Variants in MPZL1 observed in about 807,000 individuals in gnomAD.
The protein encoded by MPZL1 is myelin protein zero like 1.
MPZL1 carries 16 observed loss-of-function variants against 29.3 expected under a neutral mutation model. That is an observed-to-expected ratio of 0.55 (90% confidence interval 0.37 to 0.83). The LOEUF (loss-of-function observed/expected upper bound fraction) is 0.83. Among genes scored for constraint, MPZL1 ranks in the 40% least tolerant of loss-of-function variants. The pLI, the probability that MPZL1 is intolerant of heterozygous loss-of-function variation, is 0.00. For synonymous variants in MPZL1, 143 were observed against 132.0 expected, an observed-to-expected ratio of 1.08 and a Z score of -0.57; for missense variants, 279 against 332.9, an observed-to-expected ratio of 0.84 and a Z score of 1.26.
At chr1:167,728,833 A>C (rs1334838194) in intron 1 of MPZL1, among the ~76,000 whole-genome samples, 2 of 152,200 alleles carry the variant, frequency 1.3e-5, no homozygotes, top group Non-Finnish European at 2.9e-5. Context: ...ATAGAATGAA[A>C]TCTATGACTT....
intron 5 of MPZL1, among the ~76,000 whole-genome samples, chr1:167,783,346 T>C (rs1237674890): frequency 6.6e-6 from 1 of 152,248 alleles, no homozygotes; most frequent in African/African-American, 2.4e-5. Flanking sequence ...AAATTTTTTT[T>C]CTTTGTGAAG....
rs1414502624 is a variant in MPZL1, at chr1:167,789,100, A to C, written c.*1179A>C. On this transcript the variant is annotated 3_prime_UTR_variant, in exon 6 of 6. Transcript: ENST00000359523. ...CTTTATAACAGCTTCATGGTGCCTC[A>C]AAGACTGTTGAGGTTAATGAGAGCC... 2 of 152,110 alleles carry C rather than the reference A, an allele frequency of 1.3e-5. No homozygotes were observed. Among genetic ancestry groups the C allele is most frequent in the Non-Finnish European group, 2.9e-5 (2 of 68,006 alleles). 9.4% of individuals were successfully genotyped at this position (152,110 alleles called of 1,614,324 possible).
intron 2 of MPZL1, among the ~76,000 whole-genome samples, chr1:167,770,176 ATGGATGAGTCTGCAC>A (rs2101787214): frequency 6.6e-6 from 1 of 152,298 alleles, no homozygotes; most frequent in East Asian, 1.9e-4. Flanking sequence ...AATCATAGGA[ATGGATGAGTCTGCAC>A]TGGGGTTTTC....
At chr1:167,735,509 C>T (rs1022211721) in intron 1 of MPZL1, among the ~76,000 whole-genome samples, 2 of 152,024 alleles carry the variant, frequency 1.3e-5, no homozygotes, top group Non-Finnish European at 2.9e-5. Context: ...TGTGTGTGTG[C>T]ACTCTCTTTT....
intron 1 of MPZL1, among the ~76,000 whole-genome samples, chr1:167,754,941 C>A (rs1228725451): frequency 6.6e-6 from 1 of 152,164 alleles, no homozygotes; most frequent in Non-Finnish European, 1.5e-5. Context: ...CCATCTGTCT[C>A]CTCCATGGCC....
At chr1:167,746,082 A>T (rs1422760833) in intron 1 of MPZL1, among the ~76,000 whole-genome samples, 1 of 152,072 alleles carries the variant, frequency 6.6e-6, no homozygotes, top group African/African-American at 2.4e-5. Context: ...ATTCATTTAT[A>T]CTTCAGAAAA....
Position 167,754,718 on chromosome 1 carries a change from C to G in MPZL1, c.92-10865C>G, listed in dbSNP as rs151220123. 2.6e-3 allele frequency among the ~76,000 whole-genome samples: 395 copies of G among 152,226 alleles called. 2 individuals are homozygous for G. Among genetic ancestry groups the G allele is most frequent in the African/African-American group, 9.1e-3 (379 of 41,534 alleles). The stretch of plus-strand genomic sequence containing the variant: ...TGTATAATAGCATCGTAAGTGAAGT[C>G]CCAACATCTCATTTGTATGCTGGGT... On this transcript the variant is annotated intron_variant, in intron 1 of 5. Coordinates refer to ENST00000359523, the MANE Select transcript of MPZL1 (RefSeq NM_003953.6).
intron 1 of MPZL1, among the ~76,000 whole-genome samples, chr1:167,734,891 T>G (rs1319995138): frequency 6.6e-6 from 1 of 152,206 alleles, no homozygotes; most frequent in African/African-American, 2.4e-5. Context: ...GTTCCCACAT[T>G]TCTCCATTCC....
At chr1:167,726,879 A>T (rs1331512571) in intron 1 of MPZL1, among the ~76,000 whole-genome samples, 1 of 152,244 alleles carries the variant, frequency 6.6e-6, no homozygotes, top group Non-Finnish European at 1.5e-5. Flanking sequence ...CCTACTGGGC[A>T]CAAGGCACTG....
chr1:167,724,102 C>T (rs1660095115), intron 1 of MPZL1, among the ~76,000 whole-genome samples: 1 of 152,082 alleles, frequency 6.6e-6, no homozygotes, highest in Non-Finnish European at 1.5e-5. Context: ...GTCAGAAGCA[C>T]ATTGGTAAAG....
At chr1:167,761,190 T>C (rs960772015) in intron 1 of MPZL1, among the ~76,000 whole-genome samples, 2 of 152,098 alleles carry the variant, frequency 1.3e-5, no homozygotes, top group Non-Finnish European at 2.9e-5. Context: ...TCTTTCAAGA[T>C]TGATAAAATA....
intron 1 of MPZL1, among the ~76,000 whole-genome samples, chr1:167,725,115 A>G (rs1430335997): frequency 6.6e-6 from 1 of 152,230 alleles, no homozygotes; most frequent in Admixed American, 6.5e-5. Flanking sequence ...TGTGCAGGCC[A>G]GAAACCTAGG....
chr1:167,753,845 G>T (rs1660810086), intron 1 of MPZL1, among the ~76,000 whole-genome samples: 1 of 152,016 alleles, frequency 6.6e-6, no homozygotes, highest in Non-Finnish European at 1.5e-5. Context: ...GGCCAGGTTG[G>T]TCTCGAACTC....
intron 1 of MPZL1, among the ~76,000 whole-genome samples, chr1:167,729,391 A>G (rs1417886330): frequency 6.6e-6 from 1 of 152,228 alleles, no homozygotes; most frequent in Non-Finnish European, 1.5e-5. Flanking sequence ...CTTCTTCCAG[A>G]TAACACTTGG....
intron 1 of MPZL1, among the ~76,000 whole-genome samples, chr1:167,736,128 G>A (rs1043544912): frequency 6.6e-6 from 1 of 152,112 alleles, no homozygotes; most frequent in African/African-American, 2.4e-5. Context: ...CTTTGCCTTT[G>A]TGACATTACT....
intron 3 of MPZL1, 55 bp from the exon 4 acceptor site, chr1:167,773,181 C>T (rs1661287461): frequency 1.3e-6 from 2 of 1,532,974 alleles, no homozygotes; most frequent in Admixed American, 1.9e-5. Context: ...AATAAAATTC[C>T]ATGTTTTCTC....
chr1:167,722,125 G>A lies in MPZL1; in HGVS notation c.-27G>A. 1.6e-6 allele frequency: 2 copies of A among 1,234,032 alleles called. No individual in the cohort carries two copies. Among genetic ancestry groups the A allele is most frequent in the Non-Finnish European group, 2.0e-6 (2 of 988,526 alleles). The allele number at this position is 1,234,032 out of a possible 1,614,324, so 76.4% of individuals were successfully genotyped here. ...GACCCGGGCTCAGGGACGCGGCGGCGGCGGCGGCGACTGCAGTGGCTGGAC... is the reference window on the plus strand; with the variant it reads ...GACCCGGGCTCAGGGACGCGGCGGCAGCGGCGGCGACTGCAGTGGCTGGAC... On this transcript the variant is annotated 5_prime_UTR_variant, in exon 1 of 6. Coordinates refer to ENST00000359523, the MANE Select transcript of MPZL1 (RefSeq NM_003953.6).
Position 167,721,983 on chromosome 1 carries a change from CAG to C in MPZL1, c.-166_-165del. The C allele has an allele frequency of 9.9e-7, 1 of 1,010,198 alleles. No individual in the cohort carries two copies. Among genetic ancestry groups the C allele is most frequent in the Non-Finnish European group, 1.3e-6 (1 of 786,788 alleles). The allele number at this position is 1,010,198 out of a possible 1,614,324, so 62.6% of individuals were successfully genotyped here. A position where few individuals can be genotyped will look rare whatever the true frequency, so the allele number is the denominator to read the frequency against. Reference sequence around the variant, plus strand: ...CCGGAGTGGGGCTGAGGCTTCGGTGCAGAGCTGGAGAGCCGCGGCTGGGACCG... The same window carrying C: ...CCGGAGTGGGGCTGAGGCTTCGGTGCAGCTGGAGAGCCGCGGCTGGGACCG... On this transcript the variant is annotated 5_prime_UTR_variant, in exon 1 of 6. Coordinates refer to ENST00000359523, the MANE Select transcript of MPZL1 (RefSeq NM_003953.6).
chr1:167,739,282 C>CATATATATATATATATACACATATATAT (rs1660456623), intron 1 of MPZL1, among the ~76,000 whole-genome samples: 3 of 90,442 alleles, frequency 3.3e-5, no homozygotes, highest in African/African-American at 1.9e-4. Context: ...TACATATATA[C>CATATATATATATATATACACATATATAT]ATATATATAT....
Sources: gnomAD v4.1 joint callset for allele counts (sites outside exome capture counted in the v4.1 genomes callset) on GRCh38, gnomAD v4.1.1 for gene constraint, MANE v1.5 for transcripts, NCBI Gene and HGNC (gene_info 2026-07-23, HGNC 2026-07-21) for gene names.